The following RAPGEF2 variants were observed in gnomAD, a reference collection of about 807,000 sequenced individuals.
RAPGEF2 encodes the protein Rap guanine nucleotide exchange factor 2.
In RAPGEF2, 54 loss-of-function variants were observed where a neutral mutation model predicts 186.7. The observed-to-expected ratio is 0.29, with a 90% CI of 0.23 to 0.36. The LOEUF (loss-of-function observed/expected upper bound fraction) is 0.36, where lower values mean the gene tolerates loss of function less well. Ranked by LOEUF, RAPGEF2 falls within the 10% of genes least tolerant of loss-of-function variation. RAPGEF2 has a pLI of 1.00. For synonymous variants in RAPGEF2, 712 were observed against 705.9 expected, an observed-to-expected ratio of 1.01 and a Z score of -0.14; for missense variants, 1,532 against 2,045.0, an observed-to-expected ratio of 0.75 and a Z score of 4.84.
chr4:159,231,490 T>C (rs1050153165), intron 4 of RAPGEF2, among the ~76,000 whole-genome samples: 2 of 152,188 alleles, frequency 1.3e-5, no homozygotes, highest in East Asian at 1.9e-4. Flanking sequence ...AGAAATAATA[T>C]ATGTTTTGTA....
chr4:159,354,152 C>T, intron 28 of RAPGEF2, 106 bp downstream of exon 28: 1 of 1,215,796 alleles, frequency 8.2e-7, no homozygotes, highest in South Asian at 1.7e-5. Flanking sequence ...CTCATTTTCT[C>T]CATTGCTATG....
intron 1 of RAPGEF2, among the ~76,000 whole-genome samples, chr4:159,166,448 T>G (rs764274947): frequency 6.6e-6 from 1 of 152,204 alleles, no homozygotes; most frequent in Admixed American, 6.5e-5. Flanking sequence ...ATGTACTGTT[T>G]TGCAGATAAT....
intron 1 of RAPGEF2, among the ~76,000 whole-genome samples, chr4:159,159,720 AC>A (rs1400056794): frequency 1.3e-5 from 2 of 152,208 alleles, no homozygotes; most frequent in Non-Finnish European, 2.9e-5. Context: ...GATTATAATA[AC>A]AATTCTACAA....
At chr4:159,141,447 C>G (rs1386837979) in intron 1 of RAPGEF2, among the ~76,000 whole-genome samples, 1 of 152,044 alleles carries the variant, frequency 6.6e-6, no homozygotes, top group African/African-American at 2.4e-5. Flanking sequence ...TAGCTTGTTT[C>G]TGGATTCCAT....
At chr4:159,186,885 G>T (rs1360596360) in intron 2 of RAPGEF2, among the ~76,000 whole-genome samples, 173 bp downstream of exon 2, 1 of 152,084 alleles carries the variant, frequency 6.6e-6, no homozygotes, top group Non-Finnish European at 1.5e-5. Context: ...ATCAAATGGG[G>T]ATTATTAGCA....
chr4:159,111,430 C>G (rs1034862072), intron 1 of RAPGEF2, among the ~76,000 whole-genome samples: 1 of 152,192 alleles, frequency 6.6e-6, no homozygotes, highest in Non-Finnish European at 1.5e-5. Context: ...ATGTACATTT[C>G]GCTGCCATTT....
intron 7 of RAPGEF2, among the ~76,000 whole-genome samples, chr4:159,279,442 C>A (rs531477364): frequency 6.6e-6 from 1 of 152,274 alleles, no homozygotes; most frequent in South Asian, 2.1e-4. Flanking sequence ...ACAGTTTATT[C>A]CTCCCTCAAC....
rs781005071 is a variant in RAPGEF2, at chr4:159,345,258, A to C, written c.3431A>C (p.Asn1144Thr). 8 of 1,614,168 alleles carry C rather than the reference A, an allele frequency of 5.0e-6. No homozygotes were observed. Among genetic ancestry groups the C allele is most frequent in the Non-Finnish European group, 6.8e-6 (8 of 1,180,010 alleles). ...MARKVKQYLS[N>T]LELEMDEESL... Reference sequence around the variant, plus strand: ...CGAAAAGTGAAGCAGTACCTTTCCAATTTGGAGCTAGAAATGGACGAGGAG... The same window carrying C: ...CGAAAAGTGAAGCAGTACCTTTCCACTTTGGAGCTAGAAATGGACGAGGAG... The change falls in exon 24 of 30, where the codon AAT becomes ACT. Residue 1144 changes from asparagine to threonine, a missense_variant. Asn to Thr is a moderately conservative substitution (Grantham distance 65). This residue lies in a region of RAPGEF2 where 117 missense variants were observed against 180.8 expected (regional missense o/e 0.65). Coordinates refer to ENST00000691494, the MANE Select transcript of RAPGEF2 (RefSeq NM_001394067.2).
In RAPGEF2 at chr4:159,267,370, G is replaced by T. The variant is rs1757548922; in HGVS notation, c.543+23579G>T. On this transcript the variant is annotated intron_variant, in intron 7 of 29. Coordinates refer to ENST00000691494, the MANE Select transcript of RAPGEF2 (RefSeq NM_001394067.2). ...ATTCAGACTCATGATTTTTGAGATT[G>T]TGTGTGTGCATGTGCTGTGTTTCTG... 7.1e-6 allele frequency: 9 copies of T among 1,259,760 alleles called. No individual in the cohort carries two copies. The Admixed American group carries it at 2.1e-4, about 29-fold the overall frequency. The allele number at this position is 1,259,760 out of a possible 1,614,324, so 78.0% of individuals were successfully genotyped here.
At chr4:159,268,225 G>C in intron 7 of RAPGEF2, 1 of 1,557,914 alleles carries the variant, frequency 6.4e-7, no homozygotes, top group Non-Finnish European at 8.9e-7. Flanking sequence ...AGTAAGTATC[G>C]CAAATGCTGC....
At chr4:159,250,391 C>G (rs1314580452) in intron 7 of RAPGEF2, among the ~76,000 whole-genome samples, 1 of 152,046 alleles carries the variant, frequency 6.6e-6, no homozygotes, top group African/African-American at 2.4e-5. Flanking sequence ...AATAGCTGGC[C>G]TAGGGGAGAA....
At chr4:159,108,452 A>C (rs1434722568) in intron 1 of RAPGEF2, among the ~76,000 whole-genome samples, 1 of 151,648 alleles carries the variant, frequency 6.6e-6, no homozygotes, top group East Asian at 1.9e-4. Context: ...AAGGAACATA[A>C]AATAAAAACA....
Position 159,353,499 on chromosome 4 carries a change from A to G in RAPGEF2, c.4104A>G (p.Pro1368=). 6.7e-7 allele frequency: 1 copy of G among 1,482,184 alleles called. No individual in the cohort carries two copies. Among genetic ancestry groups the G allele is most frequent in the Non-Finnish European group, 8.9e-7 (1 of 1,117,472 alleles). The allele number at this position is 1,482,184 out of a possible 1,614,324, so 91.8% of individuals were successfully genotyped here. Residue 1368 remains proline (P), a synonymous_variant, in exon 28 of 30, where the codon CCA becomes CCG. Coordinates refer to ENST00000691494, the MANE Select transcript of RAPGEF2 (RefSeq NM_001394067.2). This position sits in a 1 kb window ranked among gnomAD's most constrained non-coding sequence, Gnocchi z 4.3. ...PDQYSLGSYA[P]MSEGRGLYAT... is the part of the protein sequence containing the mutation. ...TTTAACCACTTAGGTCCTATGCACC[A>G]ATGTCCGAGGGCCGAGGCTTATATG...
chr4:159,242,136 C>T (rs925353341), intron 6 of RAPGEF2, among the ~76,000 whole-genome samples: 5 of 151,698 alleles, frequency 3.3e-5, no homozygotes, highest in Non-Finnish European at 7.4e-5. Flanking sequence ...TCAATAAAGT[C>T]ACTTTAAAGC....
intron 7 of RAPGEF2, among the ~76,000 whole-genome samples, chr4:159,302,854 G>A (rs1220179001): frequency 2.6e-5 from 4 of 151,058 alleles, no homozygotes; most frequent in Non-Finnish European, 4.4e-5. Context: ...GGTTAGTTAC[G>A]TATGTATTTT....
chr4:159,211,432 A>G (rs1750519523), intron 4 of RAPGEF2, among the ~76,000 whole-genome samples: 1 of 152,198 alleles, frequency 6.6e-6, no homozygotes, highest in South Asian at 2.1e-4. Flanking sequence ...TAAATTACTA[A>G]ATAAATATTT....
At chr4:159,296,611 A>G (rs1762060858) in intron 7 of RAPGEF2, among the ~76,000 whole-genome samples, 1 of 152,188 alleles carries the variant, frequency 6.6e-6, no homozygotes, top group Non-Finnish European at 1.5e-5. Context: ...TCCTACATAA[A>G]ATAGTCCTAC....
At chr4:159,252,395 C>A (rs1228728826) in intron 7 of RAPGEF2, among the ~76,000 whole-genome samples, 1 of 152,134 alleles carries the variant, frequency 6.6e-6, no homozygotes, top group Non-Finnish European at 1.5e-5. Context: ...TTTCAATCAT[C>A]AGGACTTTTG....
In RAPGEF2 at chr4:159,356,165, G is replaced by A. The variant is rs746744105; in HGVS notation, c.4957+7G>A. On this transcript the variant is annotated splice_region_variant and intron_variant, in intron 29 of 29. Coordinates refer to ENST00000691494, the MANE Select transcript of RAPGEF2 (RefSeq NM_001394067.2). ...TTTTCCACCGAGGAGGATGGTATAT[G>A]CACATAAATATTCCTAAAACCTCCA... 8 of 1,608,436 alleles carry A rather than the reference G, an allele frequency of 5.0e-6. No individual in the cohort carries two copies. The Admixed American group carries it at 5.0e-5, about 10-fold the overall frequency.
Sources: allele counts gnomAD v4.1 joint callset (sites outside exome capture counted in the v4.1 genomes callset), GRCh38; gene constraint gnomAD v4.1.1; regional missense constraint gnomAD v4.1.1; non-coding constraint Gnocchi (gnomAD v3.1); transcripts MANE v1.5; gene names NCBI Gene and HGNC (gene_info 2026-07-23, HGNC 2026-07-21).